The following CD300LD variants were observed in gnomAD, a reference collection of about 807,000 sequenced individuals.
The protein encoded by CD300LD is CMRF35-like molecule 5.
A neutral mutation model predicts 20.3 loss-of-function variants in CD300LD; 18 were observed. The observed-to-expected ratio is 0.89, with a 90% CI of 0.61 to 1.32. CD300LD has a LOEUF of 1.32. CD300LD is among the 40% of genes most tolerant of loss of function. CD300LD has a pLI of 0.00. For missense variants in CD300LD, 195 were observed against 226.6 expected, an observed-to-expected ratio of 0.86 and a Z score of 0.90; for synonymous variants, 104 against 90.1, an observed-to-expected ratio of 1.15 and a Z score of -0.87.
intron 1 of CD300LD, chr17:74,591,951 CTTGTT>C (rs1188298537): frequency 1.3e-5 from 18 of 1,387,708 alleles, no homozygotes; most frequent in Non-Finnish European, 1.7e-5. Flanking sequence ...AGAAGCTATA[CTTGTT>C]TTGTTTTGTG....
chr17:74,591,262 A>ATAATAATAAT (rs149944866), intron 1 of CD300LD, among the ~76,000 whole-genome samples: 4 of 114,090 alleles, frequency 3.5e-5, no homozygotes, highest in East Asian at 2.1e-4. Context: ...AAAAAAAAAA[A>ATAATAATAAT]AATAAAAATA....
At position 74,592,256 on chromosome 17, in the gene CD300LD, G is replaced by A. The variant is rs746197946; in HGVS notation, c.-54C>T. Reference sequence around the variant, plus strand: ...ATCACAGGTGTCTGGTGCCCTTCAGGGACTTGAATCCAAGCTCGGAAGTCA... The same window carrying A: ...ATCACAGGTGTCTGGTGCCCTTCAGAGACTTGAATCCAAGCTCGGAAGTCA... On this transcript the variant is annotated 5_prime_UTR_variant, in exon 1 of 4. Coordinates refer to ENST00000375352, the MANE Select transcript of CD300LD (RefSeq NM_001115152.2). The A allele has an allele frequency of 1.6e-5, 26 of 1,613,820 alleles. No individual in the cohort carries two copies. Among genetic ancestry groups the A allele is most frequent in the Non-Finnish European group, 2.1e-5 (25 of 1,179,960 alleles).
At position 74,588,491 on chromosome 17, in the gene CD300LD, G is replaced by T. The variant is rs757905488; in HGVS notation, c.379+20C>A. The stretch of plus-strand genomic sequence containing the variant: ...AGAGCAGGACCTGAGAGACACACAC[G>T]TATATACACTCCCTCTTACCTGGGT... On this transcript the variant is annotated intron_variant, in intron 2 of 3. Coordinates refer to ENST00000375352, the MANE Select transcript of CD300LD (RefSeq NM_001115152.2). 4 of 1,528,178 alleles carry T rather than the reference G, an allele frequency of 2.6e-6. No homozygotes were observed. Among genetic ancestry groups the T allele is most frequent in the Admixed American group, 1.7e-5 (1 of 58,954 alleles). The allele number at this position is 1,528,178 out of a possible 1,614,324, so 94.7% of individuals were successfully genotyped here.
intron 1 of CD300LD, among the ~76,000 whole-genome samples, chr17:74,591,174 G>T (rs2030303624): frequency 6.6e-6 from 1 of 151,292 alleles, no homozygotes; most frequent in South Asian, 2.1e-4. Context: ...AGCACTTTGG[G>T]AGGCCAAAGT....
chr17:74,583,254 C>A (rs547456905), intron 2 of CD300LD, among the ~76,000 whole-genome samples: 2 of 152,228 alleles, frequency 1.3e-5, no homozygotes, highest in Non-Finnish European at 2.9e-5. Context: ...GGAGATAGGA[C>A]CTTTCAAGAG....
rs1296747563 is a variant in CD300LD, at chr17:74,579,649, C to T, written c.*353G>A. 1.2e-5 allele frequency: 2 copies of T among 172,428 alleles called. No homozygotes were observed. The highest frequency in any genetic ancestry group is 2.5e-5 in the Non-Finnish European group (2 of 80,496). The allele number at this position is 172,428 out of a possible 1,614,324, so 10.7% of individuals were successfully genotyped here. On this transcript the variant is annotated 3_prime_UTR_variant, in exon 4 of 4. Coordinates refer to ENST00000375352, the MANE Select transcript of CD300LD (RefSeq NM_001115152.2). ...CCTGTAATCCCACCACTTTGGGAGGCGAAGCGGGAGGATCTCTTGAGGTCA... is the reference window on the plus strand; with the variant it reads ...CCTGTAATCCCACCACTTTGGGAGGTGAAGCGGGAGGATCTCTTGAGGTCA...
Position 74,592,231 on chromosome 17 carries a change from A to G in CD300LD, c.-29T>C. The G allele has an allele frequency of 1.2e-6, 2 of 1,614,150 alleles. No homozygotes were observed. Among genetic ancestry groups the G allele is most frequent in the Non-Finnish European group, 1.7e-6 (2 of 1,180,000 alleles). ...CCTGTCTCCTCTCCTCTCCTTGGTG[A>G]TCACAGGTGTCTGGTGCCCTTCAGG... On this transcript the variant is annotated 5_prime_UTR_variant, in exon 1 of 4. Coordinates refer to ENST00000375352, the MANE Select transcript of CD300LD (RefSeq NM_001115152.2).
chr17:74,591,259 A>AATAAAT (rs1555650235), intron 1 of CD300LD, among the ~76,000 whole-genome samples: 108 of 112,812 alleles, frequency 9.6e-4, no homozygotes, highest in African/African-American at 2.9e-3. Flanking sequence ...ACAAAAAAAA[A>AATAAAT]AAAAATAAAA....
intron 2 of CD300LD, among the ~76,000 whole-genome samples, chr17:74,588,274 T>C (rs1386130614): frequency 6.6e-6 from 1 of 152,224 alleles, no homozygotes; most frequent in Non-Finnish European, 1.5e-5. Context: ...ATGGGAACTC[T>C]GCCCCCATGA....
chr17:74,581,464 C>A (rs982451349), intron 3 of CD300LD, among the ~76,000 whole-genome samples: 1 of 152,164 alleles, frequency 6.6e-6, no homozygotes. Flanking sequence ...TATCAGGTGC[C>A]GACCTCTGGG....
At chr17:74,590,147 G>A (rs889068784) in intron 1 of CD300LD, among the ~76,000 whole-genome samples, 1 of 152,192 alleles carries the variant, frequency 6.6e-6, no homozygotes, top group Non-Finnish European at 1.5e-5. Flanking sequence ...TCTCGTGGTA[G>A]TGAATAAGTC....
intron 1 of CD300LD, 59 bp downstream of exon 1, chr17:74,592,104 T>C (rs777732444): frequency 5.6e-6 from 9 of 1,614,036 alleles, no homozygotes; most frequent in African/African-American, 1.3e-5. Context: ...GAACAGAGCG[T>C]CTCTGTCTCC....
intron 3 of CD300LD, among the ~76,000 whole-genome samples, chr17:74,580,618 C>A (rs1301646350): frequency 2.0e-5 from 3 of 152,212 alleles, no homozygotes; most frequent in Admixed American, 6.5e-5. Flanking sequence ...CTGTTACTTT[C>A]TATGGATGTG....
chr17:74,585,979 G>A (rs751955482), intron 2 of CD300LD, among the ~76,000 whole-genome samples: 2 of 152,166 alleles, frequency 1.3e-5, no homozygotes, highest in African/African-American at 2.4e-5. Context: ...ACATGCCTGG[G>A]CCACAATTCC....
At chr17:74,591,212 G>A (rs893180081) in intron 1 of CD300LD, among the ~76,000 whole-genome samples, 12 of 148,378 alleles carry the variant, frequency 8.1e-5, no homozygotes, top group Non-Finnish European at 1.8e-4. Flanking sequence ...CCAGGAGTTT[G>A]AGACCAGCCT....
At position 74,582,169 on chromosome 17, in the gene CD300LD, G is replaced by C. The variant is rs774166267; in HGVS notation, c.473+49C>G. ...TCTGGCAACCCCTGTTAGAGGAGAG[G>C]CCATGGGGCCAGGCCTGTGCGAAAG... On this transcript the variant is annotated intron_variant, in intron 3 of 3. Coordinates refer to ENST00000375352, the MANE Select transcript of CD300LD (RefSeq NM_001115152.2). The C allele has an allele frequency of 1.1e-5, 16 of 1,494,118 alleles. No homozygotes were observed. In the African/African-American group the frequency reaches 2.2e-4, roughly 21 times the overall value. The allele number at this position is 1,494,118 out of a possible 1,614,324, so 92.6% of individuals were successfully genotyped here.
intron 2 of CD300LD, among the ~76,000 whole-genome samples, chr17:74,585,919 C>T (rs2030147479): frequency 6.6e-6 from 1 of 152,178 alleles, no homozygotes. Flanking sequence ...CCTGGAACAT[C>T]ACATGGCACT....
Position 74,591,261 on chromosome 17 carries a change from A to T in CD300LD, c.40+902T>A, listed in dbSNP as rs556755478. 3.5e-3 allele frequency among the ~76,000 whole-genome samples: 378 copies of T among 107,524 alleles called. 1 individual carries two copies. Among genetic ancestry groups the T allele is most frequent in the African/African-American group, 0.011 (354 of 32,658 alleles). The allele number at this position is 107,524 out of a possible 152,430, so 70.5% of individuals were successfully genotyped here. A position where few individuals can be genotyped will look rare whatever the true frequency, so the allele number is the denominator to read the frequency against. ...AGTCCTCATCTCTACAAAAAAAAAA[A>T]AAATAAAAATAATAATAATAATAAT... On this transcript the variant is annotated intron_variant, in intron 1 of 3. Transcript: ENST00000375352.
At chr17:74,590,188 A>T (rs1598133405) in intron 1 of CD300LD, among the ~76,000 whole-genome samples, 1 of 151,722 alleles carries the variant, frequency 6.6e-6, no homozygotes, top group South Asian at 2.1e-4. Context: ...ATAATGGGAA[A>T]CCTCTTTCAC....
Sources: gnomAD v4.1 joint callset for allele counts (sites outside exome capture counted in the v4.1 genomes callset) on GRCh38, gnomAD v4.1.1 for gene constraint, MANE v1.5 for transcripts, NCBI Gene and HGNC (gene_info 2026-07-23, HGNC 2026-07-21) for gene names.